The following PAX7 variants were observed in gnomAD, a reference collection of about 807,000 sequenced individuals.
PAX7 encodes paired box 7, also known as paired box protein Pax-7.
A neutral mutation model predicts 50.7 loss-of-function variants in PAX7; 18 were observed. That is an observed-to-expected ratio of 0.36 (90% confidence interval 0.25 to 0.53). The LOEUF (loss-of-function observed/expected upper bound fraction) is 0.53. PAX7 is among the 20% of genes least tolerant of loss of function. PAX7 has a pLI of 0.93. For synonymous variants in PAX7, 310 were observed against 290.4 expected, an observed-to-expected ratio of 1.07 and a Z score of -0.69; for missense variants, 644 against 702.9, an observed-to-expected ratio of 0.92 and a Z score of 0.95.
At position 18,735,601 on chromosome 1, in the gene PAX7, G is replaced by A. The variant is rs41273163; in HGVS notation, c.1156-31G>A. 765 of 1,590,328 alleles carry A rather than the reference G, an allele frequency of 4.8e-4. No individual in the cohort carries two copies. Among genetic ancestry groups the A allele is most frequent in the Non-Finnish European group, 6.0e-4 (703 of 1,164,536 alleles). On this transcript the variant is annotated intron_variant, in intron 7 of 8. Coordinates refer to ENST00000420770, the MANE Select transcript of PAX7 (RefSeq NM_001135254.2). The surrounding 1 kb of genome is among the most constrained non-coding windows in gnomAD (Gnocchi z 4.0). ...CTCGTGTCTCTGGGGTCTGTCCGGT[G>A]AGCCTGGCACTAATGGCCTTTTCCC...
chr1:18,717,935 C>G (rs2089447478), intron 7 of PAX7, among the ~76,000 whole-genome samples: 1 of 152,208 alleles, frequency 6.6e-6, no homozygotes, highest in Non-Finnish European at 1.5e-5. Flanking sequence ...GGGAGAAATA[C>G]CGTCTTGACG....
At chr1:18,723,327 T>C (rs1449003465) in intron 7 of PAX7, among the ~76,000 whole-genome samples, 1 of 152,224 alleles carries the variant, frequency 6.6e-6, no homozygotes, top group Non-Finnish European at 1.5e-5. Context: ...CCATATATGT[T>C]GGGTCATAAT....
At chr1:18,691,650 G>A in intron 4 of PAX7, 104 bp from the exon 5 acceptor site, 1 of 923,714 alleles carries the variant, frequency 1.1e-6, no homozygotes. Context: ...TGCAGTCATG[G>A]GTCCTAGGTG....
At position 18,733,493 on chromosome 1, in the gene PAX7, C is replaced by T. The variant is rs1436096859; in HGVS notation, c.1156-2139C>T. 2.0e-5 allele frequency among the ~76,000 whole-genome samples: 3 copies of T among 152,180 alleles called. No individual in the cohort carries two copies. The East Asian group carries it at 5.8e-4, about 29-fold the overall frequency. ...ACACCCCTATGTCCCACCCAAATCT[C>T]CCCAGCTGTGTGGAGATGAAGACTA... On this transcript the variant is annotated intron_variant, in intron 7 of 8. Coordinates refer to ENST00000420770, the MANE Select transcript of PAX7 (RefSeq NM_001135254.2).
Position 18,700,640 on chromosome 1 carries a change from C to T in PAX7, c.787-13C>T. The T allele has an allele frequency of 1.3e-6, 2 of 1,518,978 alleles. No individual in the cohort carries two copies. Among genetic ancestry groups the T allele is most frequent in the Non-Finnish European group, 1.8e-6 (2 of 1,132,856 alleles). The allele number at this position is 1,518,978 out of a possible 1,614,324, so 94.1% of individuals were successfully genotyped here. A position where few individuals can be genotyped will look rare whatever the true frequency, so the allele number is the denominator to read the frequency against. On this transcript the variant is annotated splice_polypyrimidine_tract_variant and intron_variant, in intron 5 of 8. Transcript: ENST00000420770. The surrounding 1 kb of genome is among the most constrained non-coding windows in gnomAD (Gnocchi z 4.8). ...GGCCGAGGGGTCTCCATTCTCTGCT[C>T]TCCACCTCCCAGGTCTGGTTCAGTA...
At chr1:18,693,020 C>A (rs1387190021) in intron 5 of PAX7, among the ~76,000 whole-genome samples, 1 of 152,076 alleles carries the variant, frequency 6.6e-6, no homozygotes, top group East Asian at 1.9e-4. Flanking sequence ...GGGGATCTGG[C>A]TGGAAAGGGC....
intron 4 of PAX7, among the ~76,000 whole-genome samples, chr1:18,682,059 G>C (rs537112209): frequency 1.3e-5 from 2 of 152,026 alleles, no homozygotes; most frequent in Non-Finnish European, 2.9e-5. Context: ...TTTAAAATCC[G>C]GCCTGGTGGG....
chr1:18,641,213 G>A (rs1229853105), intron 4 of PAX7, among the ~76,000 whole-genome samples: 1 of 152,256 alleles, frequency 6.6e-6, no homozygotes, highest in Non-Finnish European at 1.5e-5. Context: ...GGAGGGGGAT[G>A]AATGAGCATA....
chr1:18,728,528 A>G (rs1265224101), intron 7 of PAX7, among the ~76,000 whole-genome samples: 1 of 151,990 alleles, frequency 6.6e-6, no homozygotes, highest in Non-Finnish European at 1.5e-5. Flanking sequence ...AGTGGCCGTC[A>G]AACTTGGCTG....
chr1:18,639,904 C>T (rs1339478325), intron 4 of PAX7, among the ~76,000 whole-genome samples: 1 of 140,698 alleles, frequency 7.1e-6, no homozygotes, highest in Admixed American at 7.8e-5. Flanking sequence ...AATGAGGTTA[C>T]AATTAATATG....
chr1:18,667,129 A>G (rs773392185), intron 4 of PAX7, among the ~76,000 whole-genome samples: 44 of 152,198 alleles, frequency 2.9e-4, no homozygotes, highest in Non-Finnish European at 1.3e-4. Context: ...TCCCTTGCTC[A>G]CCAGCTGAGT....
chr1:18,639,438 G>A (rs1429272072), intron 4 of PAX7, among the ~76,000 whole-genome samples: 1 of 151,092 alleles, frequency 6.6e-6, no homozygotes, highest in East Asian at 1.9e-4. Flanking sequence ...GAGTTATTAG[G>A]ATTGTTGGTG....
chr1:18,637,639 A>C (rs1158020378), intron 4 of PAX7, among the ~76,000 whole-genome samples: 3 of 152,214 alleles, frequency 2.0e-5, no homozygotes, highest in Non-Finnish European at 4.4e-5. Flanking sequence ...CCAACCTTGA[A>C]GATGAACTTC....
In PAX7 at chr1:18,748,140, AGAG is replaced by A. The variant is rs1217539470; in HGVS notation, c.*3212_*3214del. The A allele has an allele frequency of 1.8e-5, 4 of 219,816 alleles. No homozygotes were observed. Among genetic ancestry groups the A allele is most frequent in the African/African-American group, 9.0e-5 (4 of 44,622 alleles). 13.6% of individuals were successfully genotyped at this position (219,816 alleles called of 1,614,324 possible). On this transcript the variant is annotated 3_prime_UTR_variant, in exon 9 of 9. Coordinates refer to ENST00000420770, the MANE Select transcript of PAX7 (RefSeq NM_001135254.2). ...ATAAGAGAGAAGAAAAGAAGAATGG[AGAG>A]AGAGGTTTGCCCAGAAGGAAAACGA...
intron 4 of PAX7, among the ~76,000 whole-genome samples, chr1:18,639,393 A>ATTTTT (rs1477737811): frequency 3.4e-5 from 3 of 89,026 alleles, no homozygotes; most frequent in African/African-American, 2.3e-4. Flanking sequence ...GAGGCTGTTC[A>ATTTTT]TATTTTTTTT....
chr1:18,646,732 A>G (rs1315531094), intron 4 of PAX7, among the ~76,000 whole-genome samples: 2 of 151,400 alleles, frequency 1.3e-5, no homozygotes, highest in African/African-American at 4.9e-5. Context: ...GCGCTTTACT[A>G]TGGTGTGGGC....
chr1:18,719,537 CG>C (rs1254732024), intron 7 of PAX7, among the ~76,000 whole-genome samples: 1 of 152,220 alleles, frequency 6.6e-6, no homozygotes, highest in Non-Finnish European at 1.5e-5. Context: ...CCAGCGGCAT[CG>C]AAGGATTAAG....
chr1:18,725,290 A>C (rs2236813), intron 7 of PAX7, among the ~76,000 whole-genome samples: 42,384 of 126,770 alleles, frequency 0.33, 7,614 homozygotes, highest in African/African-American at 0.45. Context: ...CACCAATTAC[A>C]GAGGTGGAGA....
chr1:18,649,345 C>CTTT (rs1159551628), intron 4 of PAX7, among the ~76,000 whole-genome samples: 1 of 152,130 alleles, frequency 6.6e-6, no homozygotes, highest in Non-Finnish European at 1.5e-5. Context: ...TGACACATGC[C>CTTT]TTAAAGTTCT....
Sources: allele counts gnomAD v4.1 joint callset (sites outside exome capture counted in the v4.1 genomes callset), GRCh38; gene constraint gnomAD v4.1.1; non-coding constraint Gnocchi (gnomAD v3.1); transcripts MANE v1.5; gene names NCBI Gene and HGNC (gene_info 2026-07-23, HGNC 2026-07-21).